FAM120C: variants seen among roughly 807,000 people sequenced by gnomAD.
The protein encoded by FAM120C is constitutive coactivator of PPAR-gamma-like protein 2.
A neutral mutation model predicts 71.2 loss-of-function variants in FAM120C; 14 were observed. The ratio of observed to expected loss-of-function variants is 0.20; its 90% CI spans 0.13 to 0.31. The LOEUF (loss-of-function observed/expected upper bound fraction) is 0.31, where lower values mean the gene tolerates loss of function less well. Among genes scored for constraint, FAM120C ranks in the 10% least tolerant of loss-of-function variants. The pLI, the probability that FAM120C is intolerant of heterozygous loss-of-function variation, is 1.00. For synonymous variants in FAM120C, 354 were observed against 353.2 expected, an observed-to-expected ratio of 1.00 and a Z score of -0.03; for missense variants, 500 against 879.0, an observed-to-expected ratio of 0.57 and a Z score of 5.45.
rs781812676 is a variant in FAM120C, at chrX:54,124,596, A to T, written c.2063-7802T>A. On this transcript the variant is annotated intron_variant, in intron 9 of 15. Transcript: ENST00000375180. ...TTCGGCTCGCGCACGGTGCGCACAC[A>T]CACTGGCCTGCGCCCACTGTCTGGC... Among the ~76,000 whole-genome samples the T allele has an allele frequency of 9.0e-3, 859 of 94,979 alleles. 7 individuals carry two copies. The highest frequency in any genetic ancestry group is 0.03 in the African/African-American group (805 of 26,554). The allele number at this position is 94,979 out of a possible 115,157, so 82.5% of individuals were successfully genotyped here.
chrX:54,091,533 G>A, intron 10 of FAM120C, 107 bp from the exon 11 acceptor site: 1 of 481,651 alleles, frequency 2.1e-6, no homozygotes, highest in Non-Finnish European at 3.5e-6. Context: ...GCTAGATTTT[G>A]GCAATACTAA....
chrX:54,144,121 T>C (rs1940914823), intron 4 of FAM120C, among the ~76,000 whole-genome samples: 1 of 111,903 alleles, frequency 8.9e-6, no homozygotes, highest in Admixed American at 9.6e-5. Flanking sequence ...CAGCCCTTCA[T>C]GCTAAAAACT....
intron 4 of FAM120C, among the ~76,000 whole-genome samples, chrX:54,144,477 C>T (rs1271277282): frequency 9.3e-6 from 1 of 107,374 alleles, no homozygotes; most frequent in Non-Finnish European, 1.9e-5. Flanking sequence ...TCTCAGGATA[C>T]AAAATCAATG....
intron 14 of FAM120C, 128 bp from the exon 15 acceptor site, chrX:54,080,417 A>G: frequency 2.0e-6 from 1 of 506,357 alleles, no homozygotes; most frequent in South Asian, 2.9e-5. Context: ...TCTCAGTGTT[A>G]CTACTGAACA....
At chrX:54,167,220 C>T (rs1557135273) in intron 1 of FAM120C, among the ~76,000 whole-genome samples, 1 of 112,107 alleles carries the variant, frequency 8.9e-6, no homozygotes, top group Non-Finnish European at 1.9e-5. Flanking sequence ...TCAATCCTGA[C>T]AGGGCAAAGA....
At position 54,078,505 on chromosome X, in the gene FAM120C, T is replaced by C. The variant is rs782299376; in HGVS notation, c.3036+1727A>G. ...TGCTTTGCGTGGGAGACTTACTATC[T>C]AGTTCCATTTTTGCCTAAAAATAAC... On this transcript the variant is annotated intron_variant, in intron 15 of 15. Transcript: ENST00000375180. Among the ~76,000 whole-genome samples, 25 of 111,800 alleles carry C rather than the reference T, an allele frequency of 2.2e-4. No homozygotes were observed. In the East Asian group the frequency reaches 7.0e-3, roughly 32 times the overall value.
intron 10 of FAM120C, among the ~76,000 whole-genome samples, chrX:54,100,584 G>C (rs1557124023): frequency 8.9e-6 from 1 of 111,846 alleles, no homozygotes; most frequent in Non-Finnish European, 1.9e-5. Flanking sequence ...TGAGGTGGGA[G>C]GACTGCTTGA....
chrX:54,176,576 C>T (rs1320861928), intron 1 of FAM120C, among the ~76,000 whole-genome samples: 2 of 111,159 alleles, frequency 1.8e-5, no homozygotes, highest in East Asian at 5.6e-4. Flanking sequence ...TTATTACTAC[C>T]ATCAAAGGGG....
chrX:54,079,822 C>T (rs2066755855), intron 15 of FAM120C, among the ~76,000 whole-genome samples: 2 of 110,458 alleles, frequency 1.8e-5, no homozygotes, highest in African/African-American at 3.3e-5. Flanking sequence ...AGAATGGTAA[C>T]GCTCCCGCCA....
chrX:54,102,899 TA>T (rs2066889148), intron 10 of FAM120C, among the ~76,000 whole-genome samples: 1 of 109,590 alleles, frequency 9.1e-6, no homozygotes, highest in Admixed American at 9.9e-5. Context: ...TTTGTATTTT[TA>T]GTAGAGACGG....
chrX:54,094,941 T>C (rs1310756315), intron 10 of FAM120C, among the ~76,000 whole-genome samples: 9 of 106,753 alleles, frequency 8.4e-5, no homozygotes, highest in Non-Finnish European at 1.3e-4. Flanking sequence ...CTCATGCCTG[T>C]GGTCCCAGCT....
intron 9 of FAM120C, among the ~76,000 whole-genome samples, chrX:54,125,385 A>AC (rs1464140375): frequency 9.0e-6 from 1 of 110,793 alleles, no homozygotes; most frequent in African/African-American, 3.3e-5. Context: ...TGCAACTTCT[A>AC]CCCACTGGGC....
chrX:54,125,000 A>T (rs1164569674), intron 9 of FAM120C, among the ~76,000 whole-genome samples: 1 of 111,405 alleles, frequency 9.0e-6, no homozygotes, highest in Admixed American at 9.6e-5. Context: ...AAAGAAACAA[A>T]AAACAACAAA....
chrX:54,131,792 G>A (rs1313715574), intron 9 of FAM120C, among the ~76,000 whole-genome samples: 170 of 102,656 alleles, frequency 1.7e-3, no homozygotes, highest in African/African-American at 6.1e-3. Context: ...GACGGAGTCT[G>A]GCTCTGTCGC....
intron 1 of FAM120C, among the ~76,000 whole-genome samples, chrX:54,164,764 T>G (rs1276531207): frequency 8.9e-6 from 1 of 112,145 alleles, no homozygotes; most frequent in African/African-American, 3.2e-5. Flanking sequence ...TTGTTTTAGA[T>G]ATATACTCAG....
At chrX:54,154,500 A>AGGAGGC (rs1398104668) in intron 3 of FAM120C, among the ~76,000 whole-genome samples, 1 of 108,496 alleles carries the variant, frequency 9.2e-6, no homozygotes, top group Non-Finnish European at 1.9e-5. Context: ...CCAGCTACTC[A>AGGAGGC]GGAGGCTGAA....
At chrX:54,171,650 G>C (rs2067289322) in intron 1 of FAM120C, 2 of 111,762 alleles carry the variant, frequency 1.8e-5, no homozygotes, top group South Asian at 7.5e-4. Context: ...GTACAGAATT[G>C]AGCCTTGAAT....
intron 10 of FAM120C, among the ~76,000 whole-genome samples, chrX:54,102,845 G>A (rs1289498280): frequency 2.0e-5 from 2 of 102,168 alleles, no homozygotes; most frequent in Non-Finnish European, 4.0e-5. Context: ...TCAGCCTCCT[G>A]AGTAGCTGAG....
chrX:54,124,683 G>A (rs2067016453), intron 9 of FAM120C, among the ~76,000 whole-genome samples: 3 of 108,249 alleles, frequency 2.8e-5, no homozygotes, highest in South Asian at 8.3e-4. Flanking sequence ...CGTCTTCTGC[G>A]TCGCTCACGC....
Sources: gnomAD v4.1 joint callset for allele counts (sites outside exome capture counted in the v4.1 genomes callset) on GRCh38, gnomAD v4.1.1 for gene constraint, MANE v1.5 for transcripts, NCBI Gene and HGNC (gene_info 2026-07-23, HGNC 2026-07-21) for gene names.